Variants in CCAR1 observed in about 807,000 individuals in gnomAD.
CCAR1 encodes cell division cycle and apoptosis regulator protein 1.
In CCAR1, 78 loss-of-function variants were observed where a neutral mutation model predicts 163.8. The observed-to-expected ratio is 0.48, with a 90% CI of 0.40 to 0.57. The LOEUF (loss-of-function observed/expected upper bound fraction) is 0.57, where lower values mean the gene tolerates loss of function less well. Among genes scored for constraint, CCAR1 ranks in the 20% least tolerant of loss-of-function variants. CCAR1 has a pLI of 0.00. For synonymous variants in CCAR1, 443 were observed against 460.7 expected (o/e 0.96, Z 0.49); for missense variants, 1,019 against 1,365.2 (o/e 0.75, Z 4.00).
chr10:68,786,534 C>A lies in CCAR1; in HGVS notation c.2734-12C>A. 1 of 1,546,718 alleles carries A rather than the reference C, an allele frequency of 6.5e-7. No individual in the cohort carries two copies. Among genetic ancestry groups the A allele is most frequent in the East Asian group, 2.3e-5 (1 of 43,570 alleles). ...TTTGAATACTATGTTTTCTACTTCT[C>A]CATTTTCTTAGGAAAAAGAAAAGAC... On this transcript the variant is annotated splice_polypyrimidine_tract_variant and intron_variant, in intron 20 of 24. Coordinates refer to ENST00000265872, the MANE Select transcript of CCAR1 (RefSeq NM_018237.4).
In CCAR1 at chr10:68,749,649, G is replaced by A. The variant is rs1431514105; in HGVS notation, c.1082G>A (p.Arg361His). The change falls in exon 10 of 25, where the codon CGT becomes CAT. Residue 361 changes from arginine (R) to histidine (H), a missense_variant. By Grantham distance (29) the Arg-to-His change is conservative. Coordinates refer to ENST00000265872, the MANE Select transcript of CCAR1 (RefSeq NM_018237.4). The part of the protein sequence containing the change: ...SPRRVRRVVP[R>H]YTVQFSKFSL... ...CGGAGAGTTCGACGTGTTGTTCCAC[G>A]TTACACAGTTCAGTTTTCAAAGTTT... 3 of 1,613,226 alleles carry A rather than the reference G, an allele frequency of 1.9e-6. No individual in the cohort carries two copies. The highest frequency in any genetic ancestry group is 2.5e-6 in the Non-Finnish European group (3 of 1,179,380).
At chr10:68,790,890 G>T (rs898896164) in intron 24 of CCAR1, among the ~76,000 whole-genome samples, 2 of 151,388 alleles carry the variant, frequency 1.3e-5, no homozygotes, top group Non-Finnish European at 2.9e-5. Flanking sequence ...ATAGAGACGG[G>T]GTTTCACCAT....
At chr10:68,747,838 G>GT (rs894189226) in intron 8 of CCAR1, among the ~76,000 whole-genome samples, 2 of 151,970 alleles carry the variant, frequency 1.3e-5, no homozygotes, top group African/African-American at 4.8e-5. Flanking sequence ...TGGGTTTTAA[G>GT]TTTTTTTGCA....
chr10:68,723,523 A>G (rs1454906028), intron 2 of CCAR1, among the ~76,000 whole-genome samples: 3 of 151,964 alleles, frequency 2.0e-5, no homozygotes, highest in African/African-American at 7.2e-5. Flanking sequence ...TGTATTTGGC[A>G]TGTTAAGTTG....
intron 9 of CCAR1, 92 bp downstream of exon 9, chr10:68,749,357 A>T: frequency 7.4e-7 from 1 of 1,357,830 alleles, no homozygotes; most frequent in Non-Finnish European, 9.8e-7. Flanking sequence ...TATAATATAA[A>T]ATTTTAAAAT....
chr10:68,721,809 C>G, intron 1 of CCAR1: 1 of 254,452 alleles, frequency 3.9e-6, no homozygotes, highest in Non-Finnish European at 8.0e-6. Context: ...GTCGTGGCGG[C>G]CGAGGAGGGG....
At chr10:68,790,791 G>A (rs1258705525) in intron 24 of CCAR1, among the ~76,000 whole-genome samples, 2 of 147,684 alleles carry the variant, frequency 1.4e-5, no homozygotes, top group Non-Finnish European at 3.0e-5. Flanking sequence ...GGCGGATCAC[G>A]AAGTCAGGAG....
At chr10:68,740,754 T>TA (rs2056172102) in intron 5 of CCAR1, 93 bp downstream of exon 5, 1 of 959,610 alleles carries the variant, frequency 1.0e-6, no homozygotes, top group Admixed American at 2.3e-5. Context: ...AGGGTTTAGT[T>TA]ACTTGTTAGA....
At chr10:68,750,750 CA>C (rs2056320544) in intron 10 of CCAR1, among the ~76,000 whole-genome samples, 1 of 152,096 alleles carries the variant, frequency 6.6e-6, no homozygotes, top group African/African-American at 2.4e-5. Context: ...AAGCAGTGTT[CA>C]GGGCTGTTTA....
At chr10:68,759,201 T>C (rs1361959390) in intron 15 of CCAR1, 1 of 152,164 alleles carries the variant, frequency 6.6e-6, no homozygotes, top group Non-Finnish European at 1.5e-5. Context: ...ATTACTTCAG[T>C]CTAGGAGTTT....
At chr10:68,727,624 A>G (rs1342760413) in intron 2 of CCAR1, among the ~76,000 whole-genome samples, 1 of 151,860 alleles carries the variant, frequency 6.6e-6, no homozygotes, top group Non-Finnish European at 1.5e-5. Context: ...TATATTCTTA[A>G]TATTTACCGT....
Position 68,790,004 on chromosome 10 carries a change from G to A in CCAR1, c.3393+89G>A, listed in dbSNP as rs143803120. ...GTATTTTAATGTTATTAAGCTCTTA[G>A]TGATTATTCTAAAAGCAAATAATGA... On this transcript the variant is annotated intron_variant, in intron 24 of 24. Coordinates refer to ENST00000265872, the MANE Select transcript of CCAR1 (RefSeq NM_018237.4). The A allele has an allele frequency of 6.3e-6, 5 of 794,066 alleles. No homozygotes were observed. The African/African-American group carries it at 8.9e-5, about 14-fold the overall frequency. 49.2% of individuals were successfully genotyped at this position (794,066 alleles called of 1,614,324 possible).
chr10:68,779,964 G>A (rs996989357), intron 19 of CCAR1, among the ~76,000 whole-genome samples: 4 of 151,984 alleles, frequency 2.6e-5, no homozygotes, highest in African/African-American at 9.7e-5. Context: ...GTATATATGG[G>A]GAAAAAATAG....
intron 19 of CCAR1, among the ~76,000 whole-genome samples, chr10:68,774,335 T>G (rs963779604): frequency 6.6e-6 from 1 of 152,110 alleles, no homozygotes; most frequent in African/African-American, 2.4e-5. Flanking sequence ...TCTAAATATA[T>G]TCTTTAGAAA....
At position 68,791,357 on chromosome 10, in the gene CCAR1, T is replaced by C. The variant is rs944537285; in HGVS notation, c.*91T>C. The stretch of plus-strand genomic sequence containing the variant: ...ATGTTTGAAGGTGATGCATGTTTGA[T>C]TTTAGTAGTATAAATGTATTTTAGT... On this transcript the variant is annotated 3_prime_UTR_variant, in exon 25 of 25. Coordinates refer to ENST00000265872, the MANE Select transcript of CCAR1 (RefSeq NM_018237.4). 33 of 779,588 alleles carry C rather than the reference T, an allele frequency of 4.2e-5. No homozygotes were observed. Among genetic ancestry groups the C allele is most frequent in the Non-Finnish European group, 6.5e-5 (32 of 489,294 alleles). The allele number at this position is 779,588 out of a possible 1,614,324, so 48.3% of individuals were successfully genotyped here. A position where few individuals can be genotyped will look rare whatever the true frequency, so the allele number is the denominator to read the frequency against.
chr10:68,747,515 C>T lies in CCAR1; in HGVS notation c.775C>T (p.Pro259Ser). 6.2e-7 allele frequency: 1 copy of T among 1,614,118 alleles called. No individual in the cohort carries two copies. Among genetic ancestry groups the T allele is most frequent in the East Asian group, 2.2e-5 (1 of 44,880 alleles). Residue 259 changes from proline (P) to serine (S), a missense_variant, in exon 8 of 25, where the codon CCA becomes TCA. Around this residue, in one of 4 missense-constraint regions of CCAR1, gnomAD observed 644 missense variants for 904.4 expected, o/e 0.71. Coordinates refer to ENST00000265872, the MANE Select transcript of CCAR1 (RefSeq NM_018237.4). Reference sequence around the variant, plus strand: ...ACAGATTTCAGCAGCTTCTATTACACCACTATTGCAGACTCAACCACAGCC... The same window carrying T: ...ACAGATTTCAGCAGCTTCTATTACATCACTATTGCAGACTCAACCACAGCC... ...QAQISAASIT[P>S]LLQTQPQPLL...
At chr10:68,774,983 G>A (rs778569182) in intron 19 of CCAR1, 6 of 379,086 alleles carry the variant, frequency 1.6e-5, no homozygotes, top group Non-Finnish European at 3.0e-5. Flanking sequence ...TTTATTTACG[G>A]TATATTTTGT....
chr10:68,758,227 G>C lies in CCAR1; in HGVS notation c.1920+850G>C, dbSNP rs144205840. The stretch of plus-strand genomic sequence containing the variant: ...GTACAACCATGCCAGGCTAATTTCT[G>C]TATTTTTAGTAGAGATGGGATTTTG... On this transcript the variant is annotated intron_variant, in intron 15 of 24. Transcript: ENST00000265872. Among the ~76,000 whole-genome samples, 17 of 151,976 alleles carry C rather than the reference G, an allele frequency of 1.1e-4. No individual in the cohort carries two copies. The East Asian group carries it at 3.1e-3, about 28-fold the overall frequency.
chr10:68,785,194 G>A (rs1199876094), intron 19 of CCAR1, among the ~76,000 whole-genome samples: 1 of 151,832 alleles, frequency 6.6e-6, no homozygotes, highest in Admixed American at 6.6e-5. Context: ...TGGGATTACA[G>A]GCGTGAGGCA....
Sources: gnomAD v4.1 joint callset for allele counts (sites outside exome capture counted in the v4.1 genomes callset) on GRCh38, gnomAD v4.1.1 for gene constraint, gnomAD v4.1.1 regional missense constraint, MANE v1.5 for transcripts, NCBI Gene and HGNC (gene_info 2026-07-23, HGNC 2026-07-21) for gene names.